EGR4: variants seen among roughly 807,000 people sequenced by gnomAD.
EGR4 encodes early growth response protein 4.
A neutral mutation model predicts 25.4 loss-of-function variants in EGR4; 22 were observed. That is an observed-to-expected ratio of 0.87 (90% CI 0.62 to 1.24). EGR4 has a LOEUF of 1.24. EGR4 is among the 50% of genes most tolerant of loss of function. The pLI, the probability that EGR4 is intolerant of heterozygous loss-of-function variation, is 0.00. For synonymous variants in EGR4, 375 were observed against 320.1 expected (o/e 1.17, Z -1.83); for missense variants, 742 against 702.9 (o/e 1.06, Z -0.63).
Position 73,293,225 on chromosome 2 carries a change from C to T in EGR4, c.93G>A (p.Arg31=). The change falls in exon 1 of 2, where the codon CGG becomes CGA. Residue 31 remains arginine (R), a synonymous_variant. Transcript: ENST00000436467. ...CCGCGGGAGCGTCCCTGGCAGGCAG[C>T]CGGGGCAATTCAGCGCTGGGTTCGG... is the stretch of plus-strand genomic sequence containing the variant. The part of the protein sequence containing the change: ...CCAEPSAELP[R]LPARDAPAAT... 6.4e-7 allele frequency: 1 copy of T among 1,567,058 alleles called. No homozygotes were observed. Among genetic ancestry groups the T allele is most frequent in the Non-Finnish European group, 8.6e-7 (1 of 1,157,920 alleles).
rs919148649 is a variant in EGR4 at position 73,293,264 on chromosome 2, A to G, written c.54T>C (p.Thr18=). 3.2e-6 allele frequency: 5 copies of G among 1,584,730 alleles called. No homozygotes were observed. The East Asian group carries it at 6.9e-5, about 22-fold the overall frequency. The part of the protein sequence containing the change: ...SEPDALLVKS[T]EGCCAEPSAE... ...CGCTGGGTTCGGCGCAACAGCCTTC[A>G]GTGGACTTGACGAGGAGCGCGTCGG... The change falls in exon 1 of 2, where the codon ACT becomes ACC. Residue 18 remains threonine, a synonymous_variant. Coordinates refer to ENST00000436467, the MANE Select transcript of EGR4 (RefSeq NM_001965.4).
At chr2:73,293,138 C>T (rs1319264823) in intron 1 of EGR4, 44 bp downstream of exon 1, 3 of 1,407,072 alleles carry the variant, frequency 2.1e-6, no homozygotes, top group Non-Finnish European at 1.9e-6. Flanking sequence ...TGCGCCCCCG[C>T]GCTGCGCCGT....
In EGR4 at chr2:73,293,431, G is replaced by A. The variant is rs1396356168; in HGVS notation, c.-114C>T. ...CCGCAGCGCACAGACCTAGGCGCCC[G>A]GGCTCCTGGCTTCGGGCACTCACCT... On this transcript the variant is annotated 5_prime_UTR_variant, in exon 1 of 2. Transcript: ENST00000436467. The A allele has an allele frequency of 1.3e-6, 2 of 1,520,212 alleles. No individual in the cohort carries two copies. Among genetic ancestry groups the A allele is most frequent in the South Asian group, 1.2e-5 (1 of 80,824 alleles). The allele number at this position is 1,520,212 out of a possible 1,614,324, so 94.2% of individuals were successfully genotyped here.
In EGR4 at chr2:73,292,507, C is replaced by G; in HGVS notation, c.411G>C (p.Leu137Phe). 2 of 1,517,900 alleles carry G rather than the reference C, an allele frequency of 1.3e-6. No homozygotes were observed. The highest frequency in any genetic ancestry group is 2.3e-5 in the East Asian group (1 of 43,348). The allele number at this position is 1,517,900 out of a possible 1,614,324, so 94.0% of individuals were successfully genotyped here. ...AGTAAAGGTCCGGCGGACCCGGCAG[C>G]AAGGCATCGGACCCCGCAGGAAAAG... ...DAPFPAGSDA[L>F]LPGPPDLYSP... Residue 137 changes from leucine (L) to phenylalanine (F), a missense_variant, in exon 2 of 2, where the codon TTG (leucine) becomes TTC (phenylalanine). Coordinates refer to ENST00000436467, the MANE Select transcript of EGR4 (RefSeq NM_001965.4).
At position 73,292,726 on chromosome 2, in the gene EGR4, G is replaced by C. The variant is rs745762572; in HGVS notation, c.192C>G (p.Ala64=). 1.0e-5 allele frequency: 15 copies of C among 1,481,950 alleles called. No homozygotes were observed. The South Asian group carries it at 2.0e-4, about 20-fold the overall frequency. 91.8% of individuals were successfully genotyped at this position (1,481,950 alleles called of 1,614,324 possible). ...LNSCGASGDL[A]DSCFLEGPAP... ...CAGGCCCCTCCAGGAAGCAGGAGTCGGCTAAGTCCCCACTTGCGCCGCAGC... is the reference window on the plus strand; with the variant it reads ...CAGGCCCCTCCAGGAAGCAGGAGTCCGCTAAGTCCCCACTTGCGCCGCAGC... Residue 64 remains alanine, a synonymous_variant, in exon 2 of 2, where the codon GCC becomes GCG. Transcript: ENST00000436467.
rs1689105010 is a variant in EGR4, at chr2:73,291,701, C to A, written c.1217G>T (p.Gly406Val). 1 of 1,607,818 alleles carries A rather than the reference C, an allele frequency of 6.2e-7. No homozygotes were observed. Among genetic ancestry groups the A allele is most frequent in the South Asian group, 1.1e-5 (1 of 91,076 alleles). ...ELNRHLRIHT[G>V]HKPFQCRICL... is the part of the protein sequence containing the mutation. ...GATGCGGCACTGGAAGGGTTTGTGGCCCGTGTGGATGCGCAGGTGGCGATT... is the reference window on the plus strand; with the variant it reads ...GATGCGGCACTGGAAGGGTTTGTGGACCGTGTGGATGCGCAGGTGGCGATT... Residue 406 changes from glycine to valine, a missense_variant, in exon 2 of 2, where the codon GGC becomes GTC. Coordinates refer to ENST00000436467, the MANE Select transcript of EGR4 (RefSeq NM_001965.4).
Position 73,293,293 on chromosome 2 carries a change from C to T in EGR4, c.25G>A (p.Glu9Lys), listed in dbSNP as rs1442747449. 3.1e-6 allele frequency: 5 copies of T among 1,589,298 alleles called. No individual in the cohort carries two copies. In the East Asian group the frequency reaches 6.9e-5, roughly 22 times the overall value. Residue 9 changes from glutamate to lysine, a missense_variant, in exon 1 of 2, where the codon GAA becomes AAA. Glu to Lys is a moderately conservative substitution (Grantham distance 56). Transcript: ENST00000436467. Reference protein sequence around the residue: MLHLSEFSEPDALLVKSTE... With the variant: MLHLSEFSKPDALLVKSTE... ...GACTTGACGAGGAGCGCGTCGGGTT[C>T]GGAAAACTCGCTAAGGTGGAGCATG...
rs2103942526 is a variant in EGR4, at chr2:73,293,106, C to T, written c.136+76G>A. 4 of 1,316,378 alleles carry T rather than the reference C, an allele frequency of 3.0e-6. No individual in the cohort carries two copies. In the South Asian group the frequency reaches 7.1e-5, roughly 23 times the overall value. 81.5% of individuals were successfully genotyped at this position (1,316,378 alleles called of 1,614,324 possible). A position where few individuals can be genotyped will look rare whatever the true frequency, so the allele number is the denominator to read the frequency against. On this transcript the variant is annotated intron_variant, in intron 1 of 1. Coordinates refer to ENST00000436467, the MANE Select transcript of EGR4 (RefSeq NM_001965.4). Reference sequence around the variant, plus strand: ...ATTCTCATAGCTCCAATGTCCCAGTCCCTCCTGGTTCTCAGGTATGGTGCG... The same window carrying T: ...ATTCTCATAGCTCCAATGTCCCAGTTCCTCCTGGTTCTCAGGTATGGTGCG...
Position 73,292,298 on chromosome 2 carries a change from G to T in EGR4, c.620C>A (p.Pro207His). 6.2e-7 allele frequency: 1 copy of T among 1,607,798 alleles called. No homozygotes were observed. The highest frequency in any genetic ancestry group is 8.5e-7 in the Non-Finnish European group (1 of 1,176,220). The change falls in exon 2 of 2, where the codon CCC becomes CAC. Residue 207 changes from proline to histidine, a missense_variant. Physicochemically the swap from Pro to His is moderately conservative, Grantham distance 77. Transcript: ENST00000436467. ...AVSAFKGPYA[P>H]WELLSVGAPG... Reference sequence around the variant, plus strand: ...GGCCCCCACAGAAAGCAGCTCCCAGGGCGCGTAGGGACCCTTGAAGGCAGA... The same window carrying T: ...GGCCCCCACAGAAAGCAGCTCCCAGTGCGCGTAGGGACCCTTGAAGGCAGA...
At chr2:73,292,995 A>T (rs538262596) in intron 1 of EGR4, among the ~76,000 whole-genome samples, 187 bp downstream of exon 1, 38 of 152,372 alleles carry the variant, frequency 2.5e-4, no homozygotes, top group African/African-American at 8.7e-4. Flanking sequence ...CGATAACCGC[A>T]CAGGTTCCTG....
At position 73,293,375 on chromosome 2, in the gene EGR4, G is replaced by A; in HGVS notation, c.-58C>T. 1.3e-6 allele frequency: 2 copies of A among 1,500,380 alleles called. No individual in the cohort carries two copies. The highest frequency in any genetic ancestry group is 1.3e-5 in the South Asian group (1 of 77,228). The allele number at this position is 1,500,380 out of a possible 1,614,324, so 92.9% of individuals were successfully genotyped here. On this transcript the variant is annotated 5_prime_UTR_variant, in exon 1 of 2. Coordinates refer to ENST00000436467, the MANE Select transcript of EGR4 (RefSeq NM_001965.4). ...TCGCCCGCTGGGCTTGGGGGCGCGC[G>A]GGTGGCGGGGAGGCTGGCGGTAGGG...
Position 73,292,727 on chromosome 2 carries a change from G to A in EGR4, c.191C>T (p.Ala64Val). 1.4e-6 allele frequency: 2 copies of A among 1,481,442 alleles called. No individual in the cohort carries two copies. The highest frequency in any genetic ancestry group is 1.8e-6 in the Non-Finnish European group (2 of 1,115,148). 91.8% of individuals were successfully genotyped at this position (1,481,442 alleles called of 1,614,324 possible). Reference protein sequence around the residue: ...LNSCGASGDLADSCFLEGPAP... With the variant: ...LNSCGASGDLVDSCFLEGPAP... ...AGGCCCCTCCAGGAAGCAGGAGTCG[G>A]CTAAGTCCCCACTTGCGCCGCAGCT... The change falls in exon 2 of 2, where the codon GCC (alanine) becomes GTC (valine). Residue 64 changes from alanine to valine, a missense_variant. Transcript: ENST00000436467.
Position 73,292,671 on chromosome 2 carries a change from T to A in EGR4, c.247A>T (p.Ser83Cys), listed in dbSNP as rs753715049. 1.1e-5 allele frequency: 17 copies of A among 1,543,680 alleles called. No homozygotes were observed. The highest frequency in any genetic ancestry group is 1.5e-5 in the Non-Finnish European group (17 of 1,144,984). Residue 83 changes from serine (S) to cysteine (C), a missense_variant, in exon 2 of 2, where the codon AGC becomes TGC. Ser to Cys is a moderately radical substitution (Grantham distance 112). Coordinates refer to ENST00000436467, the MANE Select transcript of EGR4 (RefSeq NM_001965.4). ...APTPPPGLSYSGSFFIQAVPE... is the reference protein window; with the variant it reads ...APTPPPGLSYCGSFFIQAVPE... ...ACTGCCTGAATGAAGAAGCTACCGCTGTAGCTGAGGCCGGGAGGGGGTGTG... is the reference window on the plus strand; with the variant it reads ...ACTGCCTGAATGAAGAAGCTACCGCAGTAGCTGAGGCCGGGAGGGGGTGTG...
Position 73,291,281 on chromosome 2 carries a change from G to T in EGR4, c.*176C>A. 1 of 899,578 alleles carries T rather than the reference G, an allele frequency of 1.1e-6. No individual in the cohort carries two copies. Among genetic ancestry groups the T allele is most frequent in the Non-Finnish European group, 1.6e-6 (1 of 614,854 alleles). 55.7% of individuals were successfully genotyped at this position (899,578 alleles called of 1,614,324 possible). ...AGCGCCTGGACCGCGGGAACTGTCC[G>T]CGGAGCTGGTGCTGAATAGGGCGTG... On this transcript the variant is annotated 3_prime_UTR_variant, in exon 2 of 2. Transcript: ENST00000436467.
In EGR4 at chr2:73,293,160, C is replaced by T. The variant is rs1483298712; in HGVS notation, c.136+22G>A. 15 of 1,456,240 alleles carry T rather than the reference C, an allele frequency of 1.0e-5. No homozygotes were observed. In the South Asian group the frequency reaches 1.8e-4, roughly 18 times the overall value. The allele number at this position is 1,456,240 out of a possible 1,614,324, so 90.2% of individuals were successfully genotyped here. The stretch of plus-strand genomic sequence containing the variant: ...CCGCGCTGCGCCGTCGTCGTCTGAG[C>T]ACCCCTGCTCGCCCTCCTTACCTCC... On this transcript the variant is annotated intron_variant, in intron 1 of 1. Coordinates refer to ENST00000436467, the MANE Select transcript of EGR4 (RefSeq NM_001965.4).
At chr2:73,292,928 A>C (rs1689141277) in intron 1 of EGR4, 147 bp from the exon 2 acceptor site, 1 of 1,073,400 alleles carries the variant, frequency 9.3e-7, no homozygotes, top group Non-Finnish European at 1.2e-6. Context: ...ATACGTCCCA[A>C]GGAGCACATA....
Position 73,291,501 on chromosome 2 carries a change from C to T in EGR4, c.1417G>A (p.Gly473Ser). ...QKARAEERLK[G>S]LGFYSLGLSF... ...AGGCCCAGCGAGTAAAAGCCGAGGC[C>T]CTTGAGCCGCTCCTCGGCGCGCGCC... is the stretch of plus-strand genomic sequence containing the variant. The change falls in exon 2 of 2, where the codon GGC (glycine) becomes AGC (serine). Residue 473 changes from glycine (G) to serine (S), a missense_variant. Gly to Ser is a moderately conservative substitution (Grantham distance 56). Coordinates refer to ENST00000436467, the MANE Select transcript of EGR4 (RefSeq NM_001965.4). 6.2e-7 allele frequency: 1 copy of T among 1,612,438 alleles called. No homozygotes were observed. The highest frequency in any genetic ancestry group is 8.5e-7 in the Non-Finnish European group (1 of 1,179,124).
At position 73,293,091 on chromosome 2, in the gene EGR4, C is replaced by A. The variant is rs960828001; in HGVS notation, c.136+91G>T. On this transcript the variant is annotated intron_variant, in intron 1 of 1. Coordinates refer to ENST00000436467, the MANE Select transcript of EGR4 (RefSeq NM_001965.4). Reference sequence around the variant, plus strand: ...CTTCCCATCGCCCCTATTCTCATAGCTCCAATGTCCCAGTCCCTCCTGGTT... The same window carrying A: ...CTTCCCATCGCCCCTATTCTCATAGATCCAATGTCCCAGTCCCTCCTGGTT... The A allele has an allele frequency of 8.7e-6, 11 of 1,257,878 alleles. No individual in the cohort carries two copies. The African/African-American group carries it at 1.7e-4, about 20-fold the overall frequency. 77.9% of individuals were successfully genotyped at this position (1,257,878 alleles called of 1,614,324 possible). A position where few individuals can be genotyped will look rare whatever the true frequency, so the allele number is the denominator to read the frequency against.
In EGR4 at chr2:73,293,370, C is replaced by CGAAGT; in HGVS notation, c.-54_-53insACTTC. The CGAAGT allele has an allele frequency of 6.7e-7, 1 of 1,503,614 alleles. No homozygotes were observed. The allele number at this position is 1,503,614 out of a possible 1,614,324, so 93.1% of individuals were successfully genotyped here. ...GGGCCTCGCCCGCTGGGCTTGGGGGCGCGCGGGTGGCGGGGAGGCTGGCGG... is the reference window on the plus strand; with the variant it reads ...GGGCCTCGCCCGCTGGGCTTGGGGGCGAAGTGCGCGGGTGGCGGGGAGGCTGGCGG... On this transcript the variant is annotated 5_prime_UTR_variant, in exon 1 of 2. Coordinates refer to ENST00000436467, the MANE Select transcript of EGR4 (RefSeq NM_001965.4).
Sources: allele counts gnomAD v4.1 joint callset (sites outside exome capture counted in the v4.1 genomes callset), GRCh38; gene constraint gnomAD v4.1.1; transcripts MANE v1.5; gene names NCBI Gene and HGNC (gene_info 2026-07-23, HGNC 2026-07-21).